The following PMS2 variants were observed in gnomAD, a reference collection of about 807,000 sequenced individuals.
PMS2 encodes the protein PMS1 homolog 2, mismatch repair system component, also known as mismatch repair endonuclease PMS2.
In PMS2, 69 loss-of-function variants were observed where a neutral mutation model predicts 90.0. That is an observed-to-expected ratio of 0.77 (90% CI 0.63 to 0.94). The LOEUF is 0.94. Ranked by LOEUF, PMS2 falls within the 40% of genes least tolerant of loss-of-function variation. The pLI, the probability that PMS2 is intolerant of heterozygous loss-of-function variation, is 0.00. For missense variants in PMS2, 966 were observed against 1,040.2 expected, an observed-to-expected ratio of 0.93 and a Z score of 0.98; for synonymous variants, 332 against 375.1, an observed-to-expected ratio of 0.89 and a Z score of 1.33.
chr7:5,981,483 G>A (rs1352793680), intron 12 of PMS2, among the ~76,000 whole-genome samples: 5 of 149,476 alleles, frequency 3.3e-5, no homozygotes. Flanking sequence ...TAAGCTCGAG[G>A]GATCTGCCTG....
At chr7:5,989,340 A>G (rs1583332108) in intron 10 of PMS2, among the ~76,000 whole-genome samples, 1 of 152,056 alleles carries the variant, frequency 6.6e-6, no homozygotes, top group Non-Finnish European at 1.5e-5. Context: ...CTGAGGCAGG[A>G]GAATCTCTTG....
At position 5,992,573 on chromosome 7, in the gene PMS2, A is replaced by G. The variant is rs1783890013; in HGVS notation, c.904-516T>C. Among the ~76,000 whole-genome samples the G allele has an allele frequency of 3.3e-5, 5 of 152,010 alleles. No individual in the cohort carries two copies. In the South Asian group the frequency reaches 6.2e-4, roughly 19 times the overall value. On this transcript the variant is annotated intron_variant, in intron 8 of 14. Transcript: ENST00000265849. ...GACCTCAGTTGATCCGCCCGCCTCAACCTCCCAAAGTGCTGGGATTATAGG... is the reference window on the plus strand; with the variant it reads ...GACCTCAGTTGATCCGCCCGCCTCAGCCTCCCAAAGTGCTGGGATTATAGG...
rs747731417 is a variant in PMS2 at position 5,995,666 on chromosome 7, C to A, written c.804-33G>T. The A allele has an allele frequency of 1.4e-6, 2 of 1,428,372 alleles. No individual in the cohort carries two copies. The highest frequency in any genetic ancestry group is 4.5e-5 in the East Asian group (2 of 44,036). The allele number at this position is 1,428,372 out of a possible 1,614,324, so 88.5% of individuals were successfully genotyped here. On this transcript the variant is annotated intron_variant, in intron 7 of 14. Coordinates refer to ENST00000265849, the MANE Select transcript of PMS2 (RefSeq NM_000535.7). Reference sequence around the variant, plus strand: ...ACATTAATATGGTAAGGGCAGGATTCCAGAGTGAAAGGGATTAGAAATACG... The same window carrying A: ...ACATTAATATGGTAAGGGCAGGATTACAGAGTGAAAGGGATTAGAAATACG...
At chr7:5,986,276 T>C (rs1294809722) in intron 11 of PMS2, among the ~76,000 whole-genome samples, 1 of 151,782 alleles carries the variant, frequency 6.6e-6, no homozygotes, top group African/African-American at 2.4e-5. Flanking sequence ...GGTCTCCCTA[T>C]GTTGTCCAGG....
chr7:5,993,370 C>CAAAAAAAA (rs141290969), intron 8 of PMS2, among the ~76,000 whole-genome samples: 32 of 72,682 alleles, frequency 4.4e-4, no homozygotes, highest in Non-Finnish European at 5.6e-4. Context: ...GACTCCGTCT[C>CAAAAAAAA]AAAAAAAAAA....
intron 10 of PMS2, 87 bp from the exon 11 acceptor site, chr7:5,987,707 G>C (rs1389777185): frequency 1.1e-6 from 1 of 950,618 alleles, no homozygotes; most frequent in South Asian, 1.3e-5. Context: ...CTTCACAAAA[G>C]AGGAGATCCA....
Position 5,995,567 on chromosome 7 carries a change from G to C in PMS2, c.870C>G (p.Phe290Leu). ...VGRSSTDRQF[F>L]FINRRPCDPA... is the part of the protein sequence containing the mutation. Reference sequence around the variant, plus strand: ...GGTCACAAGGCCGCCGGTTGATAAAGAAAAACTGTCTGTCTGTTGAACTCC... The same window carrying C: ...GGTCACAAGGCCGCCGGTTGATAAACAAAAACTGTCTGTCTGTTGAACTCC... Residue 290 changes from phenylalanine to leucine, a missense_variant, in exon 8 of 15, where the codon TTC becomes TTG. By Grantham distance (22) the Phe-to-Leu change is conservative. Coordinates refer to ENST00000265849, the MANE Select transcript of PMS2 (RefSeq NM_000535.7). The C allele has an allele frequency of 6.2e-7, 1 of 1,613,988 alleles. No homozygotes were observed. The highest frequency in any genetic ancestry group is 8.5e-7 in the Non-Finnish European group (1 of 1,179,888).
chr7:5,997,021 C>T (rs1034435212), intron 7 of PMS2, among the ~76,000 whole-genome samples: 3 of 152,004 alleles, frequency 2.0e-5, no homozygotes, highest in Non-Finnish European at 4.4e-5. Flanking sequence ...TCGAGACCAG[C>T]CTGGCCAACA....
intron 5 of PMS2, 32 bp from the exon 6 acceptor site, chr7:5,999,307 A>G (rs978006693): frequency 6.3e-7 from 1 of 1,578,158 alleles, no homozygotes; most frequent in Non-Finnish European, 8.7e-7. Context: ...AATATTCTAC[A>G]TTACTTTAAT....
rs1278945250 is a variant in PMS2 at position 5,977,179 on chromosome 7, C to T, written c.2445+409G>A. On this transcript the variant is annotated intron_variant, in intron 14 of 14. Transcript: ENST00000265849. ...ACGCCATTCTCCTGCCTCAGCCTCC[C>T]GAGTAGCTGGGACTATAGGCGCCCG... is the stretch of plus-strand genomic sequence containing the variant. Among the ~76,000 whole-genome samples, 7 of 151,248 alleles carry T rather than the reference C, an allele frequency of 4.6e-5. 1 individual carries two copies. The South Asian group carries it at 1.5e-3, about 32-fold the overall frequency.
In PMS2 at chr7:5,995,557, G is replaced by A. The variant is rs563433235; in HGVS notation, c.880C>T (p.Arg294Trp). Residue 294 changes from arginine (R) to tryptophan (W), a missense_variant, in exon 8 of 15, where the codon CGG becomes TGG. By Grantham distance (101) the Arg-to-Trp change is moderately radical. This residue lies in a region of PMS2 where 871 missense variants were observed against 802.4 expected (regional missense o/e 1.09). Transcript: ENST00000265849. ...STDRQFFFIN[R>W]RPCDPAKVCR... The stretch of plus-strand genomic sequence containing the variant: ...ACCTTTGCTGGGTCACAAGGCCGCC[G>A]GTTGATAAAGAAAAACTGTCTGTCT... The A allele has an allele frequency of 1.7e-5, 28 of 1,613,660 alleles. No homozygotes were observed. The South Asian group carries it at 2.2e-4, about 13-fold the overall frequency.
Position 5,973,486 on chromosome 7 carries a change from C to A in PMS2, c.2502G>T (p.Met834Ile), listed in dbSNP as rs1554292818. 1.5e-6 allele frequency: 1 copy of A among 677,380 alleles called. No individual in the cohort carries two copies. 42.0% of individuals were successfully genotyped at this position (677,380 alleles called of 1,614,324 possible). The change falls in exon 15 of 15, where the codon ATG becomes ATT. Residue 834 changes from methionine to isoleucine, a missense_variant. By Grantham distance (10) the Met-to-Ile change is conservative. Around this residue, in one of 2 missense-constraint regions of PMS2, gnomAD observed 95 missense variants for 237.8 expected, o/e 0.40. Coordinates refer to ENST00000265849, the MANE Select transcript of PMS2 (RefSeq NM_000535.7). ...TSEMKKLITH[M>I]GEMDHPWNCP... ...AGTTCCAGGGGTGGTCCATCTCCCCCATGTGGGTGATCAGTTTCTTCATCT... is the reference window on the plus strand; with the variant it reads ...AGTTCCAGGGGTGGTCCATCTCCCCAATGTGGGTGATCAGTTTCTTCATCT...
Position 6,004,523 on chromosome 7 carries a change from C to G in PMS2, c.164-465G>C, listed in dbSNP as rs1583412849. 5 of 160,240 alleles carry G rather than the reference C, an allele frequency of 3.1e-5. No individual in the cohort carries two copies. The South Asian group carries it at 8.7e-4, about 28-fold the overall frequency. The allele number at this position is 160,240 out of a possible 1,614,324, so 9.9% of individuals were successfully genotyped here. ...CTGAGGTCAGGAGTTCGAGACCAGC[C>G]TGACCAACATGGAGAAACCCTGTCT... is the stretch of plus-strand genomic sequence containing the variant. On this transcript the variant is annotated intron_variant, in intron 2 of 14. Transcript: ENST00000265849.
intron 5 of PMS2, chr7:6,002,024 T>TAC (rs1259493764): frequency 2.6e-5 from 4 of 150,958 alleles, no homozygotes; most frequent in Non-Finnish European, 5.9e-5. Context: ...ATAAAAAATA[T>TAC]ATATATATGT....
intron 8 of PMS2, among the ~76,000 whole-genome samples, chr7:5,995,209 TG>T (rs1271614263): frequency 1.1e-4 from 17 of 152,052 alleles, no homozygotes; most frequent in Non-Finnish European, 8.8e-5. Context: ...GGTTATTTTT[TG>T]TATTTTAGTA....
At chr7:5,991,568 G>A (rs1050684930) in intron 9 of PMS2, among the ~76,000 whole-genome samples, 1 of 151,524 alleles carries the variant, frequency 6.6e-6, no homozygotes, top group Admixed American at 6.6e-5. Flanking sequence ...GGCCAGGCAC[G>A]GTGGCTCATG....
intron 5 of PMS2, among the ~76,000 whole-genome samples, chr7:6,001,517 C>A (rs1785087924): frequency 6.6e-6 from 1 of 151,938 alleles, no homozygotes; most frequent in Non-Finnish European, 1.5e-5. Flanking sequence ...ACTACAGGCA[C>A]ATGCCACCAT....
intron 9 of PMS2, among the ~76,000 whole-genome samples, chr7:5,991,463 T>C (rs1202959758): frequency 7.5e-6 from 1 of 132,934 alleles, no homozygotes. Context: ...TCTCCCTTGG[T>C]TGACATTAAA....
intron 9 of PMS2, among the ~76,000 whole-genome samples, chr7:5,990,835 G>A (rs1474544280): frequency 8.5e-5 from 13 of 152,122 alleles, no homozygotes; most frequent in Non-Finnish European, 4.4e-5. Context: ...CCAACATGGC[G>A]AAACCCCGTC....
Sources: allele counts gnomAD v4.1 joint callset (sites outside exome capture counted in the v4.1 genomes callset), GRCh38; gene constraint gnomAD v4.1.1; regional missense constraint gnomAD v4.1.1; transcripts MANE v1.5; gene names NCBI Gene and HGNC (gene_info 2026-07-23, HGNC 2026-07-21).